ARHGAP22: variants seen among roughly 807,000 people sequenced by gnomAD.
ARHGAP22 encodes Rho GTPase activating protein 22.
Under a neutral mutation model 59.1 loss-of-function variants are expected in ARHGAP22, and 48 were observed. The ratio of observed to expected loss-of-function variants is 0.81; its 90% CI spans 0.64 to 1.03. The LOEUF (loss-of-function observed/expected upper bound fraction) is 1.03, where lower values mean the gene tolerates loss of function less well. Among genes scored for constraint, ARHGAP22 ranks in the 50% least tolerant of loss-of-function variants. ARHGAP22 has a pLI of 0.00. For synonymous variants in ARHGAP22, 445 were observed against 416.4 expected, an observed-to-expected ratio of 1.07 and a Z score of -0.84; for missense variants, 1,015 against 958.7, an observed-to-expected ratio of 1.06 and a Z score of -0.78.
rs1270890182 is a variant in ARHGAP22, at chr10:48,565,960, C to T, written c.235-10410G>A. On this transcript the variant is annotated intron_variant, in intron 2 of 9. Coordinates refer to ENST00000249601, the MANE Select transcript of ARHGAP22 (RefSeq NM_021226.4). ...GGCCCTGCTTCCTAGTGTGTGATGA[C>T]AGTCCATGGGGACCTCCTGCAGGGC... is the stretch of plus-strand genomic sequence containing the variant. Among the ~76,000 whole-genome samples the T allele has an allele frequency of 2.0e-5, 3 of 152,160 alleles. No individual in the cohort carries two copies. The East Asian group carries it at 5.8e-4, about 29-fold the overall frequency.
the ARHGAP22 span, chr10:48,436,420 G>A: frequency 6.6e-6 from 1 of 152,132 alleles, no homozygotes. Context: ...AAATGTCTTT[G>A]AAGTCTCGTT....
At chr10:48,441,451 AT>A (rs35254382), downstream of ARHGAP22, among the ~76,000 whole-genome samples, 3,248 of 131,866 alleles carry the variant, frequency 0.025, 72 homozygotes, top group African/African-American at 0.071. Flanking sequence ...AACCAAAGGC[AT>A]TTTTTTTTTT....
At chr10:48,603,905 C>A (rs1458040773) in intron 1 of ARHGAP22, among the ~76,000 whole-genome samples, 1 of 152,236 alleles carries the variant, frequency 6.6e-6, no homozygotes. Flanking sequence ...TGTTTCCAAG[C>A]TCCCAGGCAA....
intron 3 of ARHGAP22, among the ~76,000 whole-genome samples, chr10:48,494,542 T>C (rs2050730459): frequency 1.3e-5 from 2 of 152,178 alleles, no homozygotes; most frequent in Admixed American, 6.5e-5. Context: ...CATTTCTCCA[T>C]CCATCTGTCC....
intron 1 of ARHGAP22, among the ~76,000 whole-genome samples, chr10:48,634,891 T>C (rs1442546922): frequency 2.6e-5 from 4 of 152,046 alleles, no homozygotes; most frequent in African/African-American, 7.3e-5. Flanking sequence ...GCAGAGGAGA[T>C]AAGGACACAG....
chr10:48,612,568 C>T (rs937429247), intron 1 of ARHGAP22, among the ~76,000 whole-genome samples: 2 of 152,266 alleles, frequency 1.3e-5, no homozygotes, highest in Non-Finnish European at 2.9e-5. Flanking sequence ...TCCCCAGGCT[C>T]TTCCTGCAAG....
In ARHGAP22 at chr10:48,523,262, TG is replaced by T. The variant is rs2053976875; in HGVS notation, c.322+32200del. On this transcript the variant is annotated intron_variant, in intron 3 of 9. Coordinates refer to ENST00000249601, the MANE Select transcript of ARHGAP22 (RefSeq NM_021226.4). The stretch of plus-strand genomic sequence containing the variant: ...CCAGAGCCTATCCAGCAGGCCAGGG[TG>T]GGGCCTGGGAATCTGCATGCTTAAT... Among the ~76,000 whole-genome samples, 3 of 152,140 alleles carry T rather than the reference TG, an allele frequency of 2.0e-5. No homozygotes were observed. The South Asian group carries it at 6.2e-4, about 32-fold the overall frequency.
At position 48,446,324 on chromosome 10, in the gene ARHGAP22, C is replaced by T. The variant is rs1296100852; in HGVS notation, c.*67G>A. The T allele has an allele frequency of 1.4e-5, 21 of 1,545,308 alleles. No individual in the cohort carries two copies. Among genetic ancestry groups the T allele is most frequent in the South Asian group, 4.7e-5 (4 of 85,346 alleles). On this transcript the variant is annotated 3_prime_UTR_variant, in exon 10 of 10. Transcript: ENST00000249601. ...CGCCTGGCTGCTCCAGAGATACAGACGCTTCTAACTCCATACAAGGCTGGA... is the reference window on the plus strand; with the variant it reads ...CGCCTGGCTGCTCCAGAGATACAGATGCTTCTAACTCCATACAAGGCTGGA...
chr10:48,518,659 T>C (rs1037923856), intron 3 of ARHGAP22, among the ~76,000 whole-genome samples: 2 of 152,112 alleles, frequency 1.3e-5, no homozygotes, highest in African/African-American at 4.8e-5. Context: ...TCACTGCCAC[T>C]GGAACCACTG....
At chr10:48,656,265 T>TGGGGG (rs760924651), upstream of ARHGAP22, 7 of 101,622 alleles carry the variant, frequency 6.9e-5, no homozygotes, top group East Asian at 3.0e-4. Context: ...TCGGCGCCTC[T>TGGGGG]GGGGGGGGGG....
chr10:48,604,980 T>C lies in ARHGAP22; in HGVS notation c.-184A>G, dbSNP rs2060603356. ...TCCGGACGGACGGCTCGCCTTGGACTACATAAACCTCGATGCATTATTTAT... is the reference window on the plus strand; with the variant it reads ...TCCGGACGGACGGCTCGCCTTGGACCACATAAACCTCGATGCATTATTTAT... On this transcript the variant is annotated 5_prime_UTR_variant, in exon 1 of 10. An upstream open reading frame in the 5' UTR loses its in-frame stop. Transcript: ENST00000249601. 8 of 1,468,108 alleles carry C rather than the reference T, an allele frequency of 5.4e-6. No homozygotes were observed. Among genetic ancestry groups the C allele is most frequent in the Non-Finnish European group, 7.2e-6 (8 of 1,114,788 alleles). The allele number at this position is 1,468,108 out of a possible 1,614,324, so 90.9% of individuals were successfully genotyped here.
intron 1 of ARHGAP22, among the ~76,000 whole-genome samples, chr10:48,625,357 G>T (rs2061413037): frequency 6.6e-6 from 1 of 152,080 alleles, no homozygotes; most frequent in African/African-American, 2.4e-5. Flanking sequence ...ATGTGATCGT[G>T]ACCCCCTTGT....
chr10:48,585,438 C>T (rs946756090), intron 1 of ARHGAP22, among the ~76,000 whole-genome samples: 8 of 152,202 alleles, frequency 5.3e-5, no homozygotes, highest in Admixed American at 3.9e-4. Flanking sequence ...TGGACTTCAT[C>T]GCTCCCACAG....
chr10:48,617,995 G>A (rs2061147945), intron 1 of ARHGAP22, among the ~76,000 whole-genome samples: 2 of 151,848 alleles, frequency 1.3e-5, no homozygotes, highest in South Asian at 4.1e-4. Flanking sequence ...AGAAACAAAA[G>A]AGGAGACATT....
Position 48,479,400 on chromosome 10 carries a change from T to A in ARHGAP22, c.451+236A>T, listed in dbSNP as rs146033765. ...TGAATTCCTCACCCCTGGAATAGAA[T>A]CCAGTACATTTAGATGTCTAATACA... On this transcript the variant is annotated intron_variant, in intron 4 of 9. Coordinates refer to ENST00000249601, the MANE Select transcript of ARHGAP22 (RefSeq NM_021226.4). 3.9e-3 allele frequency among the ~76,000 whole-genome samples: 590 copies of A among 152,188 alleles called. 4 individuals are homozygous for A. Among genetic ancestry groups the A allele is most frequent in the African/African-American group, 0.014 (565 of 41,518 alleles).
At chr10:48,452,223 T>C (rs532755347) in intron 8 of ARHGAP22, among the ~76,000 whole-genome samples, 123 of 152,232 alleles carry the variant, frequency 8.1e-4, no homozygotes, top group African/African-American at 2.8e-3. Flanking sequence ...AGCTGCCTCA[T>C]TCCCTCCTGC....
chr10:48,435,059 T>TCG, the ARHGAP22 span: 9 of 447,996 alleles, frequency 2.0e-5, no homozygotes, highest in Non-Finnish European at 3.9e-5. Context: ...GTGGGAGGGA[T>TCG]GGGGAGTCGG....
chr10:48,577,890 C>T (rs557538821), intron 2 of ARHGAP22, among the ~76,000 whole-genome samples: 1 of 139,428 alleles, frequency 7.2e-6, no homozygotes, highest in African/African-American at 2.6e-5. Context: ...CTTGTCTCAA[C>T]CTCTACCTCC....
intron 3 of ARHGAP22, among the ~76,000 whole-genome samples, chr10:48,483,902 T>C (rs2049592076): frequency 6.6e-6 from 1 of 152,248 alleles, no homozygotes; most frequent in Non-Finnish European, 1.5e-5. Flanking sequence ...TTAGCTATTT[T>C]TGTTTTTGTT....
Sources: allele counts gnomAD v4.1 joint callset (sites outside exome capture counted in the v4.1 genomes callset), GRCh38; gene constraint gnomAD v4.1.1; transcripts MANE v1.5; gene names NCBI Gene and HGNC (gene_info 2026-07-23, HGNC 2026-07-21).